The following SH3RF3 variants were observed in gnomAD, a reference collection of about 807,000 sequenced individuals.
SH3RF3 encodes the protein SH3 domain containing ring finger 3.
Under a neutral mutation model 66.3 loss-of-function variants are expected in SH3RF3, and 29 were observed. That is an observed-to-expected ratio of 0.44 (90% CI 0.33 to 0.60). The LOEUF is 0.60. SH3RF3 is among the 20% of genes least tolerant of loss of function. The pLI is 0.04. For missense variants in SH3RF3, 1,194 were observed against 1,190.9 expected, an observed-to-expected ratio of 1.00 and a Z score of -0.04; for synonymous variants, 583 against 532.0, an observed-to-expected ratio of 1.10 and a Z score of -1.32.
intron 7 of SH3RF3, among the ~76,000 whole-genome samples, chr2:109,446,890 G>A (rs550076637): frequency 6.6e-6 from 1 of 152,214 alleles, no homozygotes; most frequent in South Asian, 2.1e-4. Flanking sequence ...CAACGCCGAG[G>A]GCCACAGCGC....
chr2:109,475,344 C>T (rs912509168), intron 8 of SH3RF3, among the ~76,000 whole-genome samples: 2 of 152,236 alleles, frequency 1.3e-5, no homozygotes, highest in Non-Finnish European at 2.9e-5. Context: ...CTTCATTTCT[C>T]CACCTCCTCA....
At chr2:109,163,006 T>A (rs1320743911) in intron 1 of SH3RF3, among the ~76,000 whole-genome samples, 2 of 152,226 alleles carry the variant, frequency 1.3e-5, no homozygotes, top group African/African-American at 4.8e-5. Flanking sequence ...TCCTTTGATT[T>A]GGAGGGAAAA....
chr2:109,178,964 G>A (rs1283422004), intron 1 of SH3RF3, among the ~76,000 whole-genome samples: 1 of 150,450 alleles, frequency 6.6e-6, no homozygotes, highest in African/African-American at 2.4e-5. Context: ...TTGTGTGAAG[G>A]TTTTGGGGGA....
At chr2:109,335,907 A>G (rs1682408954) in intron 1 of SH3RF3, among the ~76,000 whole-genome samples, 1 of 152,244 alleles carries the variant, frequency 6.6e-6, no homozygotes, top group Non-Finnish European at 1.5e-5. Flanking sequence ...TGTATTTATG[A>G]ATGAAGCAGC....
At chr2:109,261,101 G>A (rs1009157207) in intron 1 of SH3RF3, among the ~76,000 whole-genome samples, 10 of 152,196 alleles carry the variant, frequency 6.6e-5, no homozygotes, top group Admixed American at 3.9e-4. Context: ...CTGCCAAGAC[G>A]CCCAATGGGG....
At chr2:109,448,324 G>A (rs558607910) in intron 7 of SH3RF3, among the ~76,000 whole-genome samples, 6 of 152,198 alleles carry the variant, frequency 3.9e-5, no homozygotes, top group Admixed American at 1.3e-4. Flanking sequence ...AAATTATTTA[G>A]AGCAGGAGTC....
intron 9 of SH3RF3, among the ~76,000 whole-genome samples, chr2:109,495,477 CTTTTTTTTTTTTTTT>C (rs569509984): frequency 3.2e-5 from 3 of 94,240 alleles, no homozygotes; most frequent in African/African-American, 4.6e-5. Context: ...TCTTTCATTC[CTTTTTTTTTTTTTTT>C]TTTTTTTTTT....
intron 3 of SH3RF3, 137 bp downstream of exon 3, chr2:109,371,818 G>T: frequency 1.4e-6 from 1 of 739,206 alleles, no homozygotes; most frequent in South Asian, 1.7e-5. Flanking sequence ...CCAGAGAGCT[G>T]CTATGTGTGG....
rs73952900 is a variant in SH3RF3 at position 109,260,302 on chromosome 2, C to G, written c.574-87372C>G. Among the ~76,000 whole-genome samples, 1,133 of 152,284 alleles carry G rather than the reference C, an allele frequency of 7.4e-3. 20 individuals carry two copies. Among genetic ancestry groups the G allele is most frequent in the African/African-American group, 0.026 (1,062 of 41,564 alleles). Reference sequence around the variant, plus strand: ...GCGCCATGCACAGTCACTGCTGATCCCAAGTGCTAGGCAAGGCCCAGGTGA... The same window carrying G: ...GCGCCATGCACAGTCACTGCTGATCGCAAGTGCTAGGCAAGGCCCAGGTGA... On this transcript the variant is annotated intron_variant, in intron 1 of 9. Coordinates refer to ENST00000309415, the MANE Select transcript of SH3RF3 (RefSeq NM_001099289.3).
intron 8 of SH3RF3, 85 bp from the exon 9 acceptor site, chr2:109,490,520 T>C: frequency 9.0e-7 from 1 of 1,113,326 alleles, no homozygotes. Flanking sequence ...AAGTTCCACA[T>C]AGGAAGATGC....
intron 1 of SH3RF3, among the ~76,000 whole-genome samples, chr2:109,304,009 G>A (rs1681535656): frequency 6.6e-6 from 1 of 152,034 alleles, no homozygotes; most frequent in African/African-American, 2.4e-5. Flanking sequence ...GCTGAGGCAG[G>A]AGAATTGCTT....
chr2:109,202,426 C>T (rs76875155), intron 1 of SH3RF3, among the ~76,000 whole-genome samples: 13,775 of 152,232 alleles, frequency 0.09, 759 homozygotes, highest in Middle Eastern at 0.18. Flanking sequence ...CTTTTTAGTA[C>T]AATTACTAAA....
chr2:109,434,064 C>T (rs1297180803), intron 6 of SH3RF3, among the ~76,000 whole-genome samples: 1 of 152,230 alleles, frequency 6.6e-6, no homozygotes. Flanking sequence ...CAGCCTGCAA[C>T]CGGCCTGTGC....
intron 1 of SH3RF3, among the ~76,000 whole-genome samples, chr2:109,188,790 A>G (rs923441531): frequency 2.0e-5 from 3 of 152,108 alleles, no homozygotes; most frequent in African/African-American, 7.2e-5. Context: ...TTGGTTATTT[A>G]TTGACATCCA....
At chr2:109,190,861 G>T (rs183390405) in intron 1 of SH3RF3, among the ~76,000 whole-genome samples, 11 of 151,928 alleles carry the variant, frequency 7.2e-5, no homozygotes, top group African/African-American at 2.7e-4. Flanking sequence ...AGCACTTACT[G>T]TATGTAAAGC....
chr2:109,175,441 C>T (rs1677895564), intron 1 of SH3RF3, among the ~76,000 whole-genome samples: 1 of 152,198 alleles, frequency 6.6e-6, no homozygotes, highest in African/African-American at 2.4e-5. Context: ...GTCTGTGTAA[C>T]CAGGAAGCTT....
chr2:109,374,512 G>A (rs1046536831), intron 3 of SH3RF3, among the ~76,000 whole-genome samples: 1 of 152,194 alleles, frequency 6.6e-6, no homozygotes, highest in African/African-American at 2.4e-5. Context: ...AGGCATTTGA[G>A]GTGGGAACTT....
intron 1 of SH3RF3, among the ~76,000 whole-genome samples, chr2:109,249,469 C>CTTTCTTTCTT (rs1558981128): frequency 1.9e-4 from 3 of 15,686 alleles, no homozygotes; most frequent in Non-Finnish European, 2.8e-4. Flanking sequence ...CTCTCTTTCT[C>CTTTCTTTCTT]TTTCTTTCTT....
chr2:109,452,934 G>A (rs1003724546), intron 8 of SH3RF3, among the ~76,000 whole-genome samples: 11 of 151,230 alleles, frequency 7.3e-5, no homozygotes, highest in Non-Finnish European at 1.5e-4. Context: ...CTGGTCCCGG[G>A]AGGCTGGTGC....
Sources: gnomAD v4.1 joint callset for allele counts (sites outside exome capture counted in the v4.1 genomes callset) on GRCh38, gnomAD v4.1.1 for gene constraint, MANE v1.5 for transcripts, NCBI Gene and HGNC (gene_info 2026-07-23, HGNC 2026-07-21) for gene names.